The following OR6N1 variants were observed in gnomAD, a reference collection of about 807,000 sequenced individuals.
OR6N1 encodes the protein olfactory receptor family 6 subfamily N member 1.
For missense variants in OR6N1, 394 were observed against 371.7 expected, an observed-to-expected ratio of 1.06 and a Z score of -0.49; for synonymous variants, 170 against 150.7, an observed-to-expected ratio of 1.13 and a Z score of -0.94.
chr1:158,793,682 T>C, the OR6N1 span, among the ~76,000 whole-genome samples: 43 of 152,322 alleles, frequency 2.8e-4, no homozygotes, highest in African/African-American at 9.9e-4. Flanking sequence ...ACTTATTTTA[T>C]TCCTCAGTGG....
the OR6N1 span, among the ~76,000 whole-genome samples, chr1:158,810,120 A>G: frequency 1.3e-5 from 2 of 152,012 alleles, no homozygotes; most frequent in African/African-American, 4.8e-5. Flanking sequence ...GTTTCCTAAG[A>G]CTCTTACAAC....
the OR6N1 span, among the ~76,000 whole-genome samples, chr1:158,801,038 A>C: frequency 6.6e-6 from 1 of 152,166 alleles, no homozygotes; most frequent in South Asian, 2.1e-4. Context: ...TTGCTCATTC[A>C]CTTCTCACCA....
upstream of OR6N1, among the ~76,000 whole-genome samples, chr1:158,773,007 G>T (rs886100132): frequency 3.3e-5 from 5 of 151,956 alleles, no homozygotes; most frequent in African/African-American, 1.2e-4. Flanking sequence ...ACTTTCCTCA[G>T]ATAAAATTAA....
upstream of OR6N1, chr1:158,777,166 AT>A: frequency 6.2e-7 from 1 of 1,614,100 alleles, no homozygotes; most frequent in African/African-American, 1.3e-5. Context: ...GACCTCAGAA[AT>A]GGGACACAGG....
the OR6N1 span, among the ~76,000 whole-genome samples, chr1:158,837,090 A>T: frequency 6.6e-6 from 1 of 151,892 alleles, no homozygotes; most frequent in Non-Finnish European, 1.5e-5. Context: ...TTTAACATTT[A>T]TTAACACTTG....
the OR6N1 span, among the ~76,000 whole-genome samples, chr1:158,823,426 G>T: frequency 6.6e-6 from 1 of 151,982 alleles, no homozygotes; most frequent in Non-Finnish European, 1.5e-5. Flanking sequence ...TTTCTTCCTG[G>T]TTAAATTTTG....
At chr1:158,772,859 A>G (rs1233588612), upstream of OR6N1, among the ~76,000 whole-genome samples, 1 of 152,212 alleles carries the variant, frequency 6.6e-6, no homozygotes, top group Admixed American at 6.5e-5. Flanking sequence ...CACAAAATAA[A>G]AATGATAAGT....
Position 158,765,836 on chromosome 1 carries a change from G to A in OR6N1, c.847C>T (p.Pro283Ser). 3 of 1,614,144 alleles carry A rather than the reference G, an allele frequency of 1.9e-6. No homozygotes were observed. The highest frequency in any genetic ancestry group is 1.1e-5 in the South Asian group (1 of 91,084). Residue 283 changes from proline to serine, a missense_variant, in exon 2 of 2, where the codon CCC (proline) becomes TCC (serine). Transcript: ENST00000641846. ...ALAVVYSVLT[P>S]FLNPFIYSLR... ...CTGTAGATGAAGGGGTTGAGGAAGGGTGTGAGCACTGAGTAGACCACTGCC... is the reference window on the plus strand; with the variant it reads ...CTGTAGATGAAGGGGTTGAGGAAGGATGTGAGCACTGAGTAGACCACTGCC...
chr1:158,828,270 A>G, the OR6N1 span, among the ~76,000 whole-genome samples: 1 of 152,164 alleles, frequency 6.6e-6, no homozygotes, highest in Non-Finnish European at 1.5e-5. Flanking sequence ...AAAAGTCCAT[A>G]GTGCAAAGTC....
the OR6N1 span, among the ~76,000 whole-genome samples, chr1:158,834,010 TG>T: frequency 9.1e-4 from 139 of 152,266 alleles, no homozygotes; most frequent in African/African-American, 3.1e-3. Flanking sequence ...TCACCAACAC[TG>T]GTTATTTTCT....
the OR6N1 span, among the ~76,000 whole-genome samples, chr1:158,795,415 A>C: frequency 6.6e-6 from 1 of 152,124 alleles, no homozygotes; most frequent in Non-Finnish European, 1.5e-5. Flanking sequence ...TGTCTGTAGC[A>C]CACTTCTCAC....
the OR6N1 span, among the ~76,000 whole-genome samples, chr1:158,813,697 C>CTTTTTT: frequency 1.5e-4 from 12 of 78,622 alleles, no homozygotes; most frequent in East Asian, 4.1e-4. Flanking sequence ...TATGTATGGT[C>CTTTTTT]TTTTTTTTTT....
chr1:158,811,393 C>T, the OR6N1 span, among the ~76,000 whole-genome samples: 1 of 152,184 alleles, frequency 6.6e-6, no homozygotes, highest in Admixed American at 6.5e-5. Flanking sequence ...TAAACCACCA[C>T]CACCAGTATT....
the OR6N1 span, among the ~76,000 whole-genome samples, chr1:158,814,827 A>G: frequency 6.6e-6 from 1 of 152,086 alleles, no homozygotes; most frequent in South Asian, 2.1e-4. Flanking sequence ...ATTATTTCCC[A>G]CTTCTTTTAA....
the OR6N1 span, among the ~76,000 whole-genome samples, chr1:158,808,205 T>G: frequency 7.5e-6 from 1 of 133,574 alleles, no homozygotes; most frequent in Non-Finnish European, 1.5e-5. Flanking sequence ...TGGTGCGATC[T>G]CGACTCACTG....
the OR6N1 span, among the ~76,000 whole-genome samples, chr1:158,792,193 A>G: frequency 3.9e-5 from 6 of 152,140 alleles, no homozygotes; most frequent in Admixed American, 3.9e-4. Flanking sequence ...AGTCTGTTAT[A>G]CCTGATGTAA....
chr1:158,766,548 T>C lies in OR6N1; in HGVS notation c.135A>G (p.Ile45Met), dbSNP rs751318343. The C allele has an allele frequency of 3.3e-5, 53 of 1,613,868 alleles. No individual in the cohort carries two copies. In the Admixed American group the frequency reaches 8.3e-4, roughly 25 times the overall value. The change falls in exon 2 of 2, where the codon ATA becomes ATG. Residue 45 changes from isoleucine to methionine, a missense_variant. Coordinates refer to ENST00000641846, the MANE Select transcript of OR6N1 (RefSeq NM_001005185.2). ...GGGAGTCCAGGCAGACCACCAGGAA[T>C]ATCAGCAGGTTTCCCAACACAGTCA... is the stretch of plus-strand genomic sequence containing the variant. Reference protein sequence around the residue: ...YLMTVLGNLLIFLVVCLDSRL... With the variant: ...YLMTVLGNLLMFLVVCLDSRL...
At chr1:158,802,469 G>A in the OR6N1 span, among the ~76,000 whole-genome samples, 27 of 151,774 alleles carry the variant, frequency 1.8e-4, no homozygotes, top group Non-Finnish European at 3.5e-4. Flanking sequence ...TGGCCTCCCC[G>A]TCATAGCTTT....
chr1:158,800,732 A>C, the OR6N1 span, among the ~76,000 whole-genome samples: 1 of 152,270 alleles, frequency 6.6e-6, no homozygotes, highest in Non-Finnish European at 1.5e-5. Context: ...AAGCATTTCA[A>C]CATCATTTTT....
Sources: gnomAD v4.1 joint callset for allele counts (sites outside exome capture counted in the v4.1 genomes callset) on GRCh38, gnomAD v4.1.1 for gene constraint, MANE v1.5 for transcripts, NCBI Gene and HGNC (gene_info 2026-07-23, HGNC 2026-07-21) for gene names.